The following RUFY2 variants were observed in gnomAD, a reference collection of about 807,000 sequenced individuals.
RUFY2 encodes RUN and FYVE domain-containing protein 2.
In RUFY2, 49 loss-of-function variants were observed where a neutral mutation model predicts 94.4. The observed-to-expected ratio is 0.52, with a 90% CI of 0.41 to 0.66. The LOEUF (loss-of-function observed/expected upper bound fraction) is 0.66, where lower values mean the gene tolerates loss of function less well. Among genes scored for constraint, RUFY2 ranks in the 30% least tolerant of loss-of-function variants. The pLI is 0.00. For missense variants in RUFY2, 541 were observed against 692.8 expected (o/e 0.78, Z 2.46); for synonymous variants, 255 against 235.7 (o/e 1.08, Z -0.75).
chr10:68,345,944 A>C, intron 17 of RUFY2, 33 bp from the exon 18 acceptor site: 1 of 1,612,286 alleles, frequency 6.2e-7, no homozygotes, highest in South Asian at 1.1e-5. Context: ...GGAAAAAAAC[A>C]CTTTAAATAA....
chr10:68,391,106 T>A (rs1455696062), intron 7 of RUFY2, among the ~76,000 whole-genome samples: 2 of 151,842 alleles, frequency 1.3e-5, no homozygotes, highest in Non-Finnish European at 2.9e-5. Flanking sequence ...GGCTAATTTT[T>A]GTATTTTTTA....
intron 2 of RUFY2, among the ~76,000 whole-genome samples, chr10:68,402,960 G>A (rs559529571): frequency 5.9e-5 from 8 of 136,392 alleles, no homozygotes; most frequent in Admixed American, 4.7e-4. Context: ...ATTCTCCTGC[G>A]TCAGCCTCCC....
chr10:68,377,348 C>T, intron 12 of RUFY2: 1 of 1,068,984 alleles, frequency 9.4e-7, no homozygotes, highest in Non-Finnish European at 1.1e-6. Flanking sequence ...AGGATTTATG[C>T]CTACACTAGG....
chr10:68,358,537 C>A (rs2047211960), intron 15 of RUFY2, among the ~76,000 whole-genome samples: 1 of 152,102 alleles, frequency 6.6e-6, no homozygotes, highest in Non-Finnish European at 1.5e-5. Context: ...GGAATAGTGG[C>A]CACAACAGTG....
chr10:68,395,396 T>C (rs2050320691), intron 4 of RUFY2, among the ~76,000 whole-genome samples: 1 of 151,674 alleles, frequency 6.6e-6, no homozygotes, highest in Non-Finnish European at 1.5e-5. Flanking sequence ...CTGACTCAGA[T>C]GGATATAGTG....
chr10:68,390,752 T>A (rs941072464), intron 7 of RUFY2, among the ~76,000 whole-genome samples: 8 of 151,838 alleles, frequency 5.3e-5, no homozygotes, highest in Non-Finnish European at 1.2e-4. Context: ...TGTACCACCA[T>A]GCCAGGCTAA....
chr10:68,378,677 A>G, intron 12 of RUFY2: 1 of 1,600,902 alleles, frequency 6.2e-7, no homozygotes, highest in Non-Finnish European at 8.5e-7. Flanking sequence ...GTCACTTCAT[A>G]ATGGAATGGA....
intron 7 of RUFY2, among the ~76,000 whole-genome samples, chr10:68,391,886 C>CT (rs1008157895): frequency 2.6e-5 from 4 of 151,092 alleles, no homozygotes; most frequent in Admixed American, 6.6e-5. Flanking sequence ...CGCTAGAACC[C>CT]TGGGGGCAGG....
At chr10:68,387,762 T>A (rs1040080138) in intron 7 of RUFY2, among the ~76,000 whole-genome samples, 1 of 152,044 alleles carries the variant, frequency 6.6e-6, no homozygotes, top group Admixed American at 6.6e-5. Context: ...CCCAGCACTT[T>A]GGGAGGCCGA....
At chr10:68,359,606 C>CTATA (rs963397882) in intron 15 of RUFY2, among the ~76,000 whole-genome samples, 1 of 144,250 alleles carries the variant, frequency 6.9e-6, no homozygotes, top group South Asian at 2.1e-4. Flanking sequence ...AGTAGTGCTA[C>CTATA]TATATATATA....
intron 13 of RUFY2, among the ~76,000 whole-genome samples, chr10:68,372,899 C>A (rs1275717734): frequency 1.3e-5 from 2 of 150,122 alleles, no homozygotes; most frequent in East Asian, 3.9e-4. Flanking sequence ...CACAGCAAGA[C>A]CCTGTATCAA....
intron 4 of RUFY2, 47 bp downstream of exon 4, chr10:68,396,733 T>C (rs1254418726): frequency 8.1e-7 from 1 of 1,240,982 alleles, no homozygotes; most frequent in Non-Finnish European, 1.2e-6. Context: ...GAAGACAGCA[T>C]ATAAATAAAA....
chr10:68,399,708 G>A (rs1458410556), intron 3 of RUFY2, among the ~76,000 whole-genome samples: 1 of 152,280 alleles, frequency 6.6e-6, no homozygotes, highest in Non-Finnish European at 1.5e-5. Context: ...AATGCTTAAT[G>A]CAAAAAAAGT....
chr10:68,374,117 A>G (rs2048459441), intron 13 of RUFY2, among the ~76,000 whole-genome samples: 1 of 141,834 alleles, frequency 7.1e-6, no homozygotes, highest in South Asian at 2.2e-4. Flanking sequence ...CCTGTCCCAA[A>G]AAAAAAAAAA....
intron 12 of RUFY2, chr10:68,378,090 C>A (rs2048786179): frequency 1.0e-6 from 1 of 985,228 alleles, no homozygotes; most frequent in African/African-American, 1.7e-5. Flanking sequence ...CAAGGGAGAA[C>A]CGGAAAACTG....
chr10:68,398,310 T>C (rs1257219869), intron 3 of RUFY2, among the ~76,000 whole-genome samples: 1 of 152,092 alleles, frequency 6.6e-6, no homozygotes, highest in Non-Finnish European at 1.5e-5. Flanking sequence ...TGGTTGCATT[T>C]AAGAAATTAA....
chr10:68,402,512 T>TA (rs2050926268), intron 2 of RUFY2, among the ~76,000 whole-genome samples: 1 of 152,128 alleles, frequency 6.6e-6, no homozygotes, highest in Non-Finnish European at 1.5e-5. Context: ...GATAAGCCTA[T>TA]AACTGCTAGG....
At chr10:68,342,588 C>T (rs2046030916), downstream of RUFY2, 1 of 152,594 alleles carries the variant, frequency 6.6e-6, no homozygotes, top group Non-Finnish European at 1.5e-5. Flanking sequence ...TGTCATTTAT[C>T]AGGCATAGCT....
chr10:68,346,750 T>C (rs1156657438), intron 16 of RUFY2: 1 of 152,246 alleles, frequency 6.6e-6, no homozygotes, highest in African/African-American at 2.4e-5. Context: ...TGGGGTATCC[T>C]AGTCCAACAA....
Sources: gnomAD v4.1 joint callset for allele counts (sites outside exome capture counted in the v4.1 genomes callset) on GRCh38, gnomAD v4.1.1 for gene constraint, MANE v1.5 for transcripts, NCBI Gene and HGNC (gene_info 2026-07-23, HGNC 2026-07-21) for gene names.